The following CRB1 variants were observed in gnomAD, a reference collection of about 807,000 sequenced individuals.
The protein encoded by CRB1 is crumbs cell polarity complex component 1.
Under a neutral mutation model 120.0 loss-of-function variants are expected in CRB1, and 83 were observed. That is an observed-to-expected ratio of 0.69 (90% CI 0.58 to 0.83). CRB1 has a LOEUF of 0.83. Ranked by LOEUF, CRB1 falls within the 40% of genes least tolerant of loss-of-function variation. CRB1 has a pLI of 0.00. For missense variants in CRB1, 1,699 were observed against 1,687.6 expected, an observed-to-expected ratio of 1.01 and a Z score of -0.12; for synonymous variants, 625 against 612.5, an observed-to-expected ratio of 1.02 and a Z score of -0.30.
chr1:197,296,886 A>G (rs1355051989), intron 1 of CRB1, among the ~76,000 whole-genome samples: 1 of 152,010 alleles, frequency 6.6e-6, no homozygotes, highest in Admixed American at 6.6e-5. Flanking sequence ...GCCTTCTGCC[A>G]TGATTGTGAG....
In CRB1 at chr1:197,460,145, A is replaced by G. The variant is rs79273806; in HGVS notation, c.4006-17519A>G. On this transcript the variant is annotated intron_variant, in intron 11 of 11. Transcript: ENST00000367400. ...CATGTTTTGTTCTGGGGAGGTTCAG[A>G]TATGATCAGATTAAGTCTTCTTTCA... 3.1e-3 allele frequency among the ~76,000 whole-genome samples: 472 copies of G among 151,606 alleles called. 8 individuals carry two copies. Among genetic ancestry groups the G allele is most frequent in the Admixed American group, 0.024 (367 of 15,158 alleles).
At chr1:197,371,628 A>G (rs549027756) in intron 5 of CRB1, among the ~76,000 whole-genome samples, 1 of 152,256 alleles carries the variant, frequency 6.6e-6, no homozygotes, top group East Asian at 1.9e-4. Flanking sequence ...CAAAAGACAT[A>G]AAACTTTGTG....
intron 1 of CRB1, among the ~76,000 whole-genome samples, chr1:197,273,582 C>T (rs1023206621): frequency 6.6e-6 from 1 of 152,104 alleles, no homozygotes; most frequent in Non-Finnish European, 1.5e-5. Context: ...TCTGGCTCTT[C>T]TCTTTCATTT....
At chr1:197,398,082 T>C (rs1227428753) in intron 5 of CRB1, among the ~76,000 whole-genome samples, 1 of 152,154 alleles carries the variant, frequency 6.6e-6, no homozygotes, top group Non-Finnish European at 1.5e-5. Context: ...AAAAACTCAT[T>C]TTGTTAAGGT....
the CRB1 span, among the ~76,000 whole-genome samples, chr1:197,212,151 A>C: frequency 6.3e-3 from 962 of 152,258 alleles, 14 homozygotes; most frequent in African/African-American, 0.022. Context: ...GACATAGATA[A>C]ACTGAAAATC....
intron 2 of CRB1, among the ~76,000 whole-genome samples, chr1:197,339,084 G>A (rs1170765565): frequency 1.3e-5 from 2 of 152,212 alleles, no homozygotes; most frequent in Non-Finnish European, 2.9e-5. Flanking sequence ...TATTTTTGGT[G>A]TCCTTAGGAA....
At chr1:197,467,354 T>C (rs1012708349) in intron 11 of CRB1, among the ~76,000 whole-genome samples, 9 of 152,078 alleles carry the variant, frequency 5.9e-5, no homozygotes, top group African/African-American at 2.2e-4. Flanking sequence ...AATTAGAAAG[T>C]AGATTGCAGA....
intron 1 of CRB1, among the ~76,000 whole-genome samples, chr1:197,279,278 C>T (rs960014526): frequency 1.3e-5 from 2 of 151,722 alleles, no homozygotes. Flanking sequence ...TTTTATATAT[C>T]AATGCCTGAA....
chr1:197,358,674 T>A (rs1361560591), intron 5 of CRB1, among the ~76,000 whole-genome samples: 1 of 152,220 alleles, frequency 6.6e-6, no homozygotes, highest in African/African-American at 2.4e-5. Flanking sequence ...AAAATGTTAC[T>A]TCCAAATTTG....
chr1:197,435,300 A>G lies in CRB1; in HGVS notation c.3437A>G (p.Asn1146Ser), dbSNP rs994881224. ...GCLQLNVCNS[N>S]PCLHGGNCED... is the part of the protein sequence containing the mutation. Reference sequence around the variant, plus strand: ...TTGCAGTTAAATGTCTGCAACTCCAACCCCTGTTTGCATGGAGGAAACTGT... The same window carrying G: ...TTGCAGTTAAATGTCTGCAACTCCAGCCCCTGTTTGCATGGAGGAAACTGT... The change falls in exon 9 of 12, where the codon AAC becomes AGC. Residue 1146 changes from asparagine to serine, a missense_variant. Transcript: ENST00000367400. The G allele has an allele frequency of 6.2e-7, 1 of 1,613,752 alleles. No homozygotes were observed. Among genetic ancestry groups the G allele is most frequent in the Non-Finnish European group, 8.5e-7 (1 of 1,179,808 alleles).
At chr1:197,304,519 C>G in intron 1 of CRB1, 1 of 307,850 alleles carries the variant, frequency 3.2e-6, no homozygotes, top group Non-Finnish European at 4.8e-6. Flanking sequence ...GTGGTAGATA[C>G]TATGGGTTGA....
Position 197,290,183 on chromosome 1 carries a change from C to A in CRB1, c.70+21701C>A, listed in dbSNP as rs373264645. On this transcript the variant is annotated intron_variant, in intron 1 of 11. Transcript: ENST00000367400. ...TTTTGGAACTGCATCCTGGTCATAT[C>A]CCTGTAGAACATTTTTTGCTGTGCT... Among the ~76,000 whole-genome samples, 87 of 151,562 alleles carry A rather than the reference C, an allele frequency of 5.7e-4. 1 individual carries two copies. The South Asian group carries it at 0.018, about 31-fold the overall frequency.
chr1:197,338,951 G>T (rs3828022), intron 2 of CRB1, among the ~76,000 whole-genome samples: 8,196 of 152,200 alleles, frequency 0.054, 264 homozygotes, highest in East Asian at 0.07. Flanking sequence ...CGGTTCTAGA[G>T]AGTTAAAAAT....
chr1:197,252,025 A>G, the CRB1 span, among the ~76,000 whole-genome samples: 1 of 151,972 alleles, frequency 6.6e-6, no homozygotes, highest in Non-Finnish European at 1.5e-5. Flanking sequence ...ACTATAACTC[A>G]TATTAGACCT....
chr1:197,405,357 T>C (rs569617570), intron 5 of CRB1, among the ~76,000 whole-genome samples: 3 of 152,040 alleles, frequency 2.0e-5, no homozygotes, highest in Admixed American at 6.5e-5. Context: ...GGATTGCAGA[T>C]GGAGTCTGGT....
At chr1:197,309,089 TAC>T (rs532937353) in intron 1 of CRB1, among the ~76,000 whole-genome samples, 33 of 151,840 alleles carry the variant, frequency 2.2e-4, no homozygotes, top group South Asian at 1.5e-3. Flanking sequence ...TATACACATA[TAC>T]ACACACACAA....
At chr1:197,420,222 T>C (rs2125466960) in intron 5 of CRB1, among the ~76,000 whole-genome samples, 1 of 152,298 alleles carries the variant, frequency 6.6e-6, no homozygotes, top group South Asian at 2.1e-4. Flanking sequence ...TTACTCTTTG[T>C]TCATTTGAAT....
intron 5 of CRB1, among the ~76,000 whole-genome samples, chr1:197,390,572 C>T (rs546065629): frequency 6.6e-6 from 1 of 152,118 alleles, no homozygotes; most frequent in African/African-American, 2.4e-5. Context: ...ACCCAGCATA[C>T]AGAATAGAAA....
At chr1:197,354,015 A>C (rs1306912995) in intron 4 of CRB1, among the ~76,000 whole-genome samples, 1 of 149,524 alleles carries the variant, frequency 6.7e-6, no homozygotes, top group African/African-American at 2.5e-5. Context: ...AAAAATATGA[A>C]ATGGTAAAAA....
Sources: allele counts gnomAD v4.1 joint callset (sites outside exome capture counted in the v4.1 genomes callset), GRCh38; gene constraint gnomAD v4.1.1; transcripts MANE v1.5; gene names NCBI Gene and HGNC (gene_info 2026-07-23, HGNC 2026-07-21).